The following RAD51B variants were observed in gnomAD, a reference collection of about 807,000 sequenced individuals.
RAD51B encodes DNA repair protein RAD51 homolog 2.
In RAD51B, 38 loss-of-function variants were observed where a neutral mutation model predicts 42.2. The ratio of observed to expected loss-of-function variants is 0.90; its 90% CI spans 0.70 to 1.18. RAD51B has a LOEUF of 1.18. Among genes scored for constraint, RAD51B ranks in the 50% most tolerant of loss-of-function variants. The pLI is 0.00. For missense variants in RAD51B, 373 were observed against 400.7 expected, an observed-to-expected ratio of 0.93 and a Z score of 0.59; for synonymous variants, 154 against 145.2, an observed-to-expected ratio of 1.06 and a Z score of -0.43.
chr14:68,381,995 AG>A (rs774651884), intron 8 of RAD51B, among the ~76,000 whole-genome samples: 9 of 152,210 alleles, frequency 5.9e-5, no homozygotes, highest in Non-Finnish European at 1.3e-4. Context: ...ATACATATAA[AG>A]TAAGATTTGG....
At chr14:68,209,212 A>T (rs181907086) in intron 7 of RAD51B, among the ~76,000 whole-genome samples, 7 of 152,304 alleles carry the variant, frequency 4.6e-5, no homozygotes, top group Non-Finnish European at 5.9e-5. Flanking sequence ...CAAGTATCTA[A>T]TACTTTTGGG....
intron 7 of RAD51B, among the ~76,000 whole-genome samples, chr14:68,006,729 C>G (rs1339663936): frequency 1.3e-5 from 2 of 152,058 alleles, no homozygotes; most frequent in African/African-American, 4.8e-5. Flanking sequence ...TGAATTACTG[C>G]TAGTCTTTTG....
intron 7 of RAD51B, among the ~76,000 whole-genome samples, chr14:68,204,904 C>G (rs533918699): frequency 6.6e-6 from 1 of 151,916 alleles, no homozygotes; most frequent in Non-Finnish European, 1.5e-5. Context: ...AATATTTATT[C>G]AAATGGGGAA....
At chr14:68,022,516 T>G (rs1566585128) in intron 7 of RAD51B, among the ~76,000 whole-genome samples, 1 of 152,174 alleles carries the variant, frequency 6.6e-6, no homozygotes, top group Non-Finnish European at 1.5e-5. Context: ...CATCTGTTGT[T>G]TTTTGACTTT....
At chr14:68,344,530 C>T (rs1199534225) in intron 8 of RAD51B, among the ~76,000 whole-genome samples, 1 of 152,092 alleles carries the variant, frequency 6.6e-6, no homozygotes, top group Non-Finnish European at 1.5e-5. Flanking sequence ...GCCTGTAGTC[C>T]CAGCTACTCG....
At chr14:68,469,638 T>A (rs533657654) in intron 10 of RAD51B, among the ~76,000 whole-genome samples, 2 of 152,358 alleles carry the variant, frequency 1.3e-5, no homozygotes, top group African/African-American at 2.4e-5. Context: ...GGTGTATAAC[T>A]AATAAGCAAT....
intron 7 of RAD51B, among the ~76,000 whole-genome samples, chr14:67,900,622 G>GTA (rs2043578763): frequency 6.9e-6 from 1 of 144,818 alleles, no homozygotes; most frequent in Non-Finnish European, 1.5e-5. Context: ...GTGTGTGTGT[G>GTA]TGTCATACAC....
intron 7 of RAD51B, among the ~76,000 whole-genome samples, chr14:68,155,564 C>T (rs1186025504): frequency 6.6e-6 from 1 of 152,042 alleles, no homozygotes; most frequent in East Asian, 1.9e-4. Flanking sequence ...ATTTGGGCTT[C>T]ACTGGGGAAC....
At chr14:68,169,786 T>TAGAGGTTCTAATATATATAGC (rs1317374245) in intron 7 of RAD51B, among the ~76,000 whole-genome samples, 13 of 152,186 alleles carry the variant, frequency 8.5e-5, no homozygotes, top group Non-Finnish European at 1.8e-4. Flanking sequence ...TATTTTGAAT[T>TAGAGGTTCTAATATATATAGC]AGAGGTTCTA....
At chr14:67,893,555 C>G (rs1409688950) in intron 7 of RAD51B, among the ~76,000 whole-genome samples, 1 of 150,800 alleles carries the variant, frequency 6.6e-6, no homozygotes, top group South Asian at 2.1e-4. Context: ...CCTGTAGTCA[C>G]AGCTACTTGG....
chr14:67,927,798 T>TATACACATAAAAGA lies in RAD51B; in HGVS notation c.756+40594_756+40595insATACACATAAAAGA, dbSNP rs1439850489. ...ATACACATATATAATGTGTGTGTCT[T>TATACACATAAAAGA]TTATGGTTCCATACAAATTTTAGGA... On this transcript the variant is annotated intron_variant, in intron 7 of 10. Coordinates refer to ENST00000471583, the MANE Select transcript of RAD51B (RefSeq NM_133510.4). Among the ~76,000 whole-genome samples the TATACACATAAAAGA allele has an allele frequency of 6.0e-5, 9 of 149,346 alleles. 1 individual carries two copies. The highest frequency in any genetic ancestry group is 2.3e-4 in the African/African-American group (9 of 38,960).
At chr14:68,603,129 G>A (rs866619054) in intron 10 of RAD51B, among the ~76,000 whole-genome samples, 13 of 152,266 alleles carry the variant, frequency 8.5e-5, no homozygotes, top group Middle Eastern at 6.8e-3. Context: ...GCCAGAGTCC[G>A]AACCTCAGAC....
At chr14:67,958,113 A>G (rs1206665598) in intron 7 of RAD51B, among the ~76,000 whole-genome samples, 1 of 152,184 alleles carries the variant, frequency 6.6e-6, no homozygotes, top group Non-Finnish European at 1.5e-5. Context: ...TGTGTTGGGA[A>G]TGTCTGTTTA....
chr14:67,952,169 T>A (rs2074464877), intron 7 of RAD51B, among the ~76,000 whole-genome samples: 1 of 151,836 alleles, frequency 6.6e-6, no homozygotes, highest in Admixed American at 6.6e-5. Context: ...GGTAACCAAT[T>A]GTTACACAAA....
rs558775523 is a variant in RAD51B at position 67,894,245 on chromosome 14, A to G, written c.756+7041A>G. ...TTACCTCGTTCCAGATGCCTGGTGT[A>G]TTTTATCTCTTTCCTCCTAAAATAT... On this transcript the variant is annotated intron_variant, in intron 7 of 10. Transcript: ENST00000471583. Among the ~76,000 whole-genome samples the G allele has an allele frequency of 4.6e-5, 7 of 152,296 alleles. No individual in the cohort carries two copies. The East Asian group carries it at 1.4e-3, about 29-fold the overall frequency.
chr14:68,143,718 T>C (rs1241393385), intron 7 of RAD51B, among the ~76,000 whole-genome samples: 1 of 152,244 alleles, frequency 6.6e-6, no homozygotes, highest in Non-Finnish European at 1.5e-5. Flanking sequence ...GTCACTATAC[T>C]CTGCCTGTTG....
At position 67,896,989 on chromosome 14, in the gene RAD51B, G is replaced by A. The variant is rs186752285; in HGVS notation, c.756+9785G>A. Among the ~76,000 whole-genome samples the A allele has an allele frequency of 5.5e-4, 83 of 152,246 alleles. 4 individuals are homozygous for A. The East Asian group carries it at 0.011, about 19-fold the overall frequency. ...TGACACAGGTATCAAGAATACACAA[G>A]GGGGAAAGGACAGCCTCTTCAATAA... On this transcript the variant is annotated intron_variant, in intron 7 of 10. Coordinates refer to ENST00000471583, the MANE Select transcript of RAD51B (RefSeq NM_133510.4).
In RAD51B at chr14:67,957,116, G is replaced by A. The variant is rs190906093; in HGVS notation, c.756+69912G>A. Among the ~76,000 whole-genome samples, 518 of 152,340 alleles carry A rather than the reference G, an allele frequency of 3.4e-3. 2 individuals are homozygous for A. The highest frequency in any genetic ancestry group is 4.8e-3 in the Non-Finnish European group (327 of 68,030). On this transcript the variant is annotated intron_variant, in intron 7 of 10. Transcript: ENST00000471583. Reference sequence around the variant, plus strand: ...GGGTGAATAAGATAGAATGTGATAAGCATCACTATAAGAGGAGAGATACAA... The same window carrying A: ...GGGTGAATAAGATAGAATGTGATAAACATCACTATAAGAGGAGAGATACAA...
chr14:68,605,148 C>G (rs950895764), intron 10 of RAD51B, among the ~76,000 whole-genome samples: 1 of 152,210 alleles, frequency 6.6e-6, no homozygotes, highest in African/African-American at 2.4e-5. Flanking sequence ...CAGAAATGCA[C>G]TCTTTCACAT....
Sources: allele counts gnomAD v4.1 joint callset (sites outside exome capture counted in the v4.1 genomes callset), GRCh38; gene constraint gnomAD v4.1.1; transcripts MANE v1.5; gene names NCBI Gene and HGNC (gene_info 2026-07-23, HGNC 2026-07-21).